The following DIAPH2 variants were observed in gnomAD, a reference collection of about 807,000 sequenced individuals.
The protein encoded by DIAPH2 is protein diaphanous homolog 2.
DIAPH2 carries 35 observed loss-of-function variants against 92.7 expected under a neutral mutation model. That is an observed-to-expected ratio of 0.38 (90% CI 0.29 to 0.50). DIAPH2 has a LOEUF of 0.50. Among genes scored for constraint, DIAPH2 ranks in the 20% least tolerant of loss-of-function variants. DIAPH2 has a pLI of 0.94. For synonymous variants in DIAPH2, 301 were observed against 280.4 expected (o/e 1.07, Z -0.73); for missense variants, 701 against 819.5 (o/e 0.86, Z 1.77).
chrX:97,221,058 A>T (rs765774498), intron 22 of DIAPH2, among the ~76,000 whole-genome samples: 26 of 111,082 alleles, frequency 2.3e-4, no homozygotes, highest in Non-Finnish European at 4.5e-4. Flanking sequence ...GTTGCTTTAC[A>T]TCAGTTTATA....
intron 17 of DIAPH2, among the ~76,000 whole-genome samples, chrX:96,978,440 G>C (rs2065975094): frequency 9.1e-6 from 1 of 109,645 alleles, no homozygotes; most frequent in Non-Finnish European, 1.9e-5. Flanking sequence ...TGCTGATTGA[G>C]CAAGCTAAAT....
chrX:97,095,119 T>TC (rs2066858075), intron 19 of DIAPH2, among the ~76,000 whole-genome samples: 1 of 65,223 alleles, frequency 1.5e-5, no homozygotes, highest in African/African-American at 5.7e-5. Flanking sequence ...TTTTTTTTTT[T>TC]TTTTTTTTTT....
intron 4 of DIAPH2, among the ~76,000 whole-genome samples, chrX:96,824,763 G>A (rs2064802136): frequency 1.8e-5 from 2 of 111,051 alleles, no homozygotes; most frequent in South Asian, 7.6e-4. Flanking sequence ...GGTTTAAAGT[G>A]AGCATACATC....
At chrX:97,501,976 T>A (rs1367887393) in intron 26 of DIAPH2, among the ~76,000 whole-genome samples, 1 of 111,220 alleles carries the variant, frequency 9.0e-6, no homozygotes, top group East Asian at 2.8e-4. Flanking sequence ...CTAATTTTTG[T>A]CTCTTTAGTA....
intron 22 of DIAPH2, among the ~76,000 whole-genome samples, chrX:97,199,125 T>G (rs991149852): frequency 9.1e-6 from 1 of 110,270 alleles, no homozygotes; most frequent in African/African-American, 3.3e-5. Context: ...GTTTTTCTCT[T>G]ACCCTATTTT....
chrX:97,142,419 G>A (rs1286413349), intron 22 of DIAPH2, among the ~76,000 whole-genome samples: 1 of 111,390 alleles, frequency 9.0e-6, no homozygotes, highest in Non-Finnish European at 1.9e-5. Flanking sequence ...GTGGCAGAAT[G>A]TTTTAGGACA....
At position 97,305,658 on chromosome X, in the gene DIAPH2, TAAAA is replaced by T. The variant is rs763009569; in HGVS notation, c.2845-42454_2845-42451del. On this transcript the variant is annotated intron_variant, in intron 23 of 26. Coordinates refer to ENST00000324765, the MANE Select transcript of DIAPH2 (RefSeq NM_006729.5). ...AACATGGTGAAACCTCATCTCTACT[TAAAA>T]AAAGACAAAAATTAGCTGGACGTGG... Among the ~76,000 whole-genome samples, 743 of 105,544 alleles carry T rather than the reference TAAAA, an allele frequency of 7.0e-3. 8 individuals are homozygous for T. The highest frequency in any genetic ancestry group is 0.025 in the African/African-American group (715 of 28,809). The allele number at this position is 105,544 out of a possible 115,157, so 91.7% of individuals were successfully genotyped here. A position where few individuals can be genotyped will look rare whatever the true frequency, so the allele number is the denominator to read the frequency against.
chrX:97,170,209 T>G (rs1210927497), intron 22 of DIAPH2, among the ~76,000 whole-genome samples: 2 of 110,870 alleles, frequency 1.8e-5, no homozygotes, highest in Non-Finnish European at 3.8e-5. Context: ...CTGTGAGGCA[T>G]TAGTGCACAT....
chrX:96,936,765 T>C (rs1338435713), intron 10 of DIAPH2, among the ~76,000 whole-genome samples: 2 of 111,968 alleles, frequency 1.8e-5, no homozygotes, highest in African/African-American at 3.2e-5. Context: ...AATGTGTTTA[T>C]ACATCTTTTC....
At chrX:97,069,183 G>A (rs987030069) in intron 17 of DIAPH2, among the ~76,000 whole-genome samples, 1 of 110,623 alleles carries the variant, frequency 9.0e-6, no homozygotes, top group Admixed American at 9.6e-5. Context: ...GGCTGGTCTC[G>A]AACTCCTGAC....
chrX:97,433,435 G>C (rs1281830743), intron 26 of DIAPH2, among the ~76,000 whole-genome samples: 3 of 111,749 alleles, frequency 2.7e-5, no homozygotes, highest in Non-Finnish European at 5.6e-5. Flanking sequence ...AGGATTGCTT[G>C]AGCACGGTAG....
At chrX:97,369,857 T>A (rs1178809610) in intron 24 of DIAPH2, among the ~76,000 whole-genome samples, 1 of 111,608 alleles carries the variant, frequency 9.0e-6, no homozygotes, top group Admixed American at 9.5e-5. Context: ...GCAAAAAAAA[T>A]CTCTCTGTTC....
intron 23 of DIAPH2, among the ~76,000 whole-genome samples, chrX:97,278,076 C>T (rs1843746873): frequency 8.9e-6 from 1 of 111,925 alleles, no homozygotes; most frequent in African/African-American, 3.2e-5. Flanking sequence ...AATCTCTTGA[C>T]CTCGTGATCC....
Position 97,230,179 on chromosome X carries a change from G to C in DIAPH2, c.2720-17536G>C, listed in dbSNP as rs147107513. Among the ~76,000 whole-genome samples, 831 of 111,256 alleles carry C rather than the reference G, an allele frequency of 7.5e-3. 11 individuals are homozygous for C. Among genetic ancestry groups the C allele is most frequent in the African/African-American group, 0.026 (792 of 30,743 alleles). Reference sequence around the variant, plus strand: ...AAACAATTTTTCCATGTGTCAAGTAGTAATTTCTTTTCAAATATTGATAAG... The same window carrying C: ...AAACAATTTTTCCATGTGTCAAGTACTAATTTCTTTTCAAATATTGATAAG... On this transcript the variant is annotated intron_variant, in intron 22 of 26. Transcript: ENST00000324765.
chrX:97,001,590 G>A lies in DIAPH2; in HGVS notation c.2050+36383G>A, dbSNP rs188598063. On this transcript the variant is annotated intron_variant, in intron 17 of 26. Coordinates refer to ENST00000324765, the MANE Select transcript of DIAPH2 (RefSeq NM_006729.5). ...GAACCTGGGAGGCGGAGGTTGCAGC[G>A]AGCCTAGATCACGCCACTGCACTCC... is the stretch of plus-strand genomic sequence containing the variant. 6.1e-3 allele frequency among the ~76,000 whole-genome samples: 683 copies of A among 111,191 alleles called. 1 individual carries two copies. The highest frequency in any genetic ancestry group is 0.028 in the Middle Eastern group (6 of 216).
chrX:97,062,061 A>G (rs2066602883), intron 17 of DIAPH2, among the ~76,000 whole-genome samples: 1 of 111,377 alleles, frequency 9.0e-6, no homozygotes, highest in African/African-American at 3.3e-5. Context: ...TCCCTAGCAC[A>G]GTGATAGATT....
chrX:97,479,652 A>C (rs760758575), intron 26 of DIAPH2, among the ~76,000 whole-genome samples: 67 of 112,291 alleles, frequency 6.0e-4, no homozygotes, highest in African/African-American at 1.9e-3. Flanking sequence ...TATAAAATGA[A>C]TGGTTTAGAA....
chrX:97,495,423 A>G (rs1379261253), intron 26 of DIAPH2, among the ~76,000 whole-genome samples: 2 of 111,715 alleles, frequency 1.8e-5, no homozygotes, highest in Non-Finnish European at 3.8e-5. Flanking sequence ...TTGTCTATGG[A>G]TTTCTCCTTG....
chrX:97,273,733 G>A (rs747927257), intron 23 of DIAPH2, among the ~76,000 whole-genome samples: 1 of 112,049 alleles, frequency 8.9e-6, no homozygotes, highest in Admixed American at 9.5e-5. Context: ...CCAGGAGTCT[G>A]TTTGACTAAT....
Sources: gnomAD v4.1 joint callset for allele counts (sites outside exome capture counted in the v4.1 genomes callset) on GRCh38, gnomAD v4.1.1 for gene constraint, MANE v1.5 for transcripts, NCBI Gene and HGNC (gene_info 2026-07-23, HGNC 2026-07-21) for gene names.